NLGN1: variants seen among roughly 807,000 people sequenced by gnomAD.
The protein encoded by NLGN1 is neuroligin 1.
Under a neutral mutation model 65.5 loss-of-function variants are expected in NLGN1, and 12 were observed. The observed-to-expected ratio is 0.18, with a 90% CI of 0.12 to 0.30. The LOEUF is 0.30. Among genes scored for constraint, NLGN1 ranks in the 10% least tolerant of loss-of-function variants. NLGN1 has a pLI of 1.00. For missense variants in NLGN1, 750 were observed against 1,007.1 expected (o/e 0.74, Z 3.46); for synonymous variants, 350 against 359.5 (o/e 0.97, Z 0.30).
chr3:173,732,476 T>G (rs760398247), intron 3 of NLGN1, among the ~76,000 whole-genome samples: 3 of 152,166 alleles, frequency 2.0e-5, no homozygotes, highest in African/African-American at 4.8e-5. Context: ...CATAGCTGCT[T>G]TTAATACATT....
intron 4 of NLGN1, among the ~76,000 whole-genome samples, chr3:174,047,532 A>G (rs754546473): frequency 6.6e-6 from 1 of 152,060 alleles, no homozygotes; most frequent in Non-Finnish European, 1.5e-5. Context: ...ATTTTGAGAC[A>G]ATTTCTGTCC....
chr3:173,786,499 TC>T (rs1166240012), intron 3 of NLGN1, among the ~76,000 whole-genome samples: 24 of 152,142 alleles, frequency 1.6e-4, no homozygotes, highest in Non-Finnish European at 1.5e-5. Flanking sequence ...TGGAAAGTTA[TC>T]TTTAGGTGAC....
At chr3:173,604,752 G>A (rs748614817) in exon 3 of NLGN1, 3 of 1,613,618 alleles carry the variant, frequency 1.9e-6, no homozygotes, top group African/African-American at 1.3e-5. Flanking sequence ...GGATGATGTG[G>A]ACCCACTGGT....
chr3:174,225,962 G>A (rs1406572169), intron 4 of NLGN1, among the ~76,000 whole-genome samples: 1 of 152,080 alleles, frequency 6.6e-6, no homozygotes, highest in East Asian at 1.9e-4. Flanking sequence ...TAAAATAGCA[G>A]AAAGATCTAA....
intron 4 of NLGN1, among the ~76,000 whole-genome samples, chr3:173,942,424 A>G (rs1746325255): frequency 6.6e-6 from 1 of 152,144 alleles, no homozygotes; most frequent in Non-Finnish European, 1.5e-5. Context: ...CTGACCTAGT[A>G]GCCATTATAG....
intron 3 of NLGN1, among the ~76,000 whole-genome samples, chr3:173,639,940 CTCTTT>C (rs1055139770): frequency 1.3e-5 from 2 of 151,898 alleles, no homozygotes; most frequent in African/African-American, 4.8e-5. Context: ...CTCTTTCTGT[CTCTTT>C]TCTTCTTCCC....
intron 4 of NLGN1, among the ~76,000 whole-genome samples, chr3:173,863,368 T>C (rs1226066440): frequency 6.6e-6 from 1 of 152,204 alleles, no homozygotes; most frequent in Non-Finnish European, 1.5e-5. Flanking sequence ...GCTTCTTCAT[T>C]ATCATCTTTC....
intron 4 of NLGN1, among the ~76,000 whole-genome samples, chr3:173,986,172 A>T (rs1441611057): frequency 6.6e-6 from 1 of 152,070 alleles, no homozygotes; most frequent in Non-Finnish European, 1.5e-5. Context: ...ATCCATATAA[A>T]AAAGGGGAAA....
At chr3:173,513,987 T>A (rs1458339978) in intron 2 of NLGN1, among the ~76,000 whole-genome samples, 1 of 152,136 alleles carries the variant, frequency 6.6e-6, no homozygotes, top group East Asian at 1.9e-4. Context: ...GTGTGTTGTG[T>A]TATACATTGT....
intron 4 of NLGN1, among the ~76,000 whole-genome samples, chr3:174,061,214 T>C (rs998983024): frequency 1.3e-5 from 2 of 151,956 alleles, no homozygotes; most frequent in African/African-American, 4.8e-5. Context: ...GCCAATGAGG[T>C]TGGGAAGAAA....
At chr3:173,856,828 G>A (rs1343453801) in intron 4 of NLGN1, among the ~76,000 whole-genome samples, 3 of 151,980 alleles carry the variant, frequency 2.0e-5, no homozygotes, top group African/African-American at 7.2e-5. Context: ...AAGTTGACAG[G>A]TAAATTTTAT....
At chr3:173,818,851 G>A (rs1719565220) in intron 4 of NLGN1, among the ~76,000 whole-genome samples, 2 of 138,770 alleles carry the variant, frequency 1.4e-5, no homozygotes, top group South Asian at 4.4e-4. Flanking sequence ...AGACAATGAG[G>A]GCTTGGATTT....
chr3:173,435,466 A>G (rs1489331618), intron 2 of NLGN1, among the ~76,000 whole-genome samples: 1 of 152,168 alleles, frequency 6.6e-6, no homozygotes, highest in Non-Finnish European at 1.5e-5. Context: ...ATACACACAC[A>G]TATATGAAAA....
At chr3:173,415,944 G>GCA (rs1165293560) in intron 1 of NLGN1, among the ~76,000 whole-genome samples, 3 of 111,644 alleles carry the variant, frequency 2.7e-5, no homozygotes, top group African/African-American at 1.0e-4. Context: ...GAGAGAGAGA[G>GCA]CTTGGTATAG....
chr3:173,585,512 C>T (rs1747254619), intron 2 of NLGN1, among the ~76,000 whole-genome samples: 1 of 152,132 alleles, frequency 6.6e-6, no homozygotes, highest in African/African-American at 2.4e-5. Context: ...TTCCCGCTTC[C>T]CGCTTCTCTC....
intron 4 of NLGN1, among the ~76,000 whole-genome samples, chr3:174,027,636 A>G (rs1729113997): frequency 6.6e-6 from 1 of 152,172 alleles, no homozygotes; most frequent in Non-Finnish European, 1.5e-5. Flanking sequence ...TATAAGACAG[A>G]GACACATCAG....
chr3:173,465,177 A>G (rs1724114245), intron 2 of NLGN1, among the ~76,000 whole-genome samples: 1 of 152,212 alleles, frequency 6.6e-6, no homozygotes, highest in Non-Finnish European at 1.5e-5. Flanking sequence ...CCATGCTTGC[A>G]GGGTGCTGTG....
chr3:174,270,125 C>CT (rs10547985), intron 4 of NLGN1, among the ~76,000 whole-genome samples: 1,998 of 120,016 alleles, frequency 0.017, 25 homozygotes, highest in African/African-American at 0.036. Flanking sequence ...GGTTTCCTTT[C>CT]TTTTTTTTTT....
chr3:174,219,984 A>G (rs1048360759), intron 4 of NLGN1, among the ~76,000 whole-genome samples: 4 of 152,130 alleles, frequency 2.6e-5, no homozygotes, highest in Non-Finnish European at 4.4e-5. Context: ...AAAATAAGTT[A>G]GAGAATATAA....
Sources: gnomAD v4.1 joint callset for allele counts (sites outside exome capture counted in the v4.1 genomes callset) on GRCh38, gnomAD v4.1.1 for gene constraint, MANE v1.5 for transcripts, NCBI Gene and HGNC (gene_info 2026-07-23, HGNC 2026-07-21) for gene names.